KMT2C: variants seen among roughly 807,000 people sequenced by gnomAD.
KMT2C encodes the protein lysine methyltransferase 2C, also known as histone-lysine N-methyltransferase 2C.
A neutral mutation model predicts 507.9 loss-of-function variants in KMT2C; 88 were observed. The ratio of observed to expected loss-of-function variants is 0.17; its 90% CI spans 0.15 to 0.21. The LOEUF (loss-of-function observed/expected upper bound fraction) is 0.21, where lower values mean the gene tolerates loss of function less well. Ranked by LOEUF, KMT2C falls within the 10% of genes least tolerant of loss-of-function variation. KMT2C has a pLI of 1.00. For missense variants in KMT2C, 4,954 were observed against 5,957.8 expected (o/e 0.83, Z 5.55); for synonymous variants, 2,049 against 2,080.8 (o/e 0.98, Z 0.42).
intron 26 of KMT2C, among the ~76,000 whole-genome samples, chr7:152,201,293 G>GACACACACACACAC (rs3839689): frequency 2.9e-5 from 4 of 136,950 alleles, no homozygotes; most frequent in African/African-American, 1.1e-4. Flanking sequence ...TACAGACACA[G>GACACACACACACAC]ACACACACAC....
At chr7:152,217,608 A>G (rs2094617688) in intron 23 of KMT2C, among the ~76,000 whole-genome samples, 1 of 152,194 alleles carries the variant, frequency 6.6e-6, no homozygotes, top group Non-Finnish European at 1.5e-5. Flanking sequence ...TTTCATATTC[A>G]ATAAAAATAA....
At chr7:152,307,333 AGAGGGAGG>A (rs570606244) in intron 6 of KMT2C, among the ~76,000 whole-genome samples, 5 of 107,998 alleles carry the variant, frequency 4.6e-5, no homozygotes, top group African/African-American at 7.3e-5. Flanking sequence ...GAGGAAGGAA[AGAGGGAGG>A]GAGGGAGGGA....
chr7:152,319,863 G>C (rs2096756254), intron 3 of KMT2C, among the ~76,000 whole-genome samples: 1 of 152,126 alleles, frequency 6.6e-6, no homozygotes, highest in Non-Finnish European at 1.5e-5. Context: ...CTGCCAGGCA[G>C]GGAAGGGCTC....
chr7:152,147,087 T>A (rs1289394045), intron 52 of KMT2C, among the ~76,000 whole-genome samples: 1 of 152,224 alleles, frequency 6.6e-6, no homozygotes, highest in Admixed American at 6.5e-5. Flanking sequence ...GCTATGTTCC[T>A]TTCCCCTCAG....
intron 1 of KMT2C, chr7:152,366,991 G>A (rs1172958090): frequency 1.1e-5 from 6 of 561,022 alleles, no homozygotes; most frequent in African/African-American, 3.9e-5. Context: ...TTGCAGCCCC[G>A]GCCGCACCCT....
chr7:152,277,036 T>C, intron 6 of KMT2C, among the ~76,000 whole-genome samples: 1 of 152,152 alleles, frequency 6.6e-6, no homozygotes, highest in Admixed American at 6.5e-5. Flanking sequence ...TAGTTTGAAA[T>C]AATCTGTCAA....
chr7:152,268,072 G>A (rs2129175035), intron 7 of KMT2C, among the ~76,000 whole-genome samples: 1 of 152,264 alleles, frequency 6.6e-6, no homozygotes, highest in East Asian at 1.9e-4. Flanking sequence ...TTGAGGTCAG[G>A]AGCTCGAGAC....
rs1039720115 is a variant in KMT2C, at chr7:152,146,773, G to A, written c.13895-38C>T. 4.4e-6 allele frequency: 7 copies of A among 1,583,488 alleles called. No individual in the cohort carries two copies. The African/African-American group carries it at 9.5e-5, about 21-fold the overall frequency. On this transcript the variant is annotated intron_variant, in intron 52 of 58. Coordinates refer to ENST00000262189, the MANE Select transcript of KMT2C (RefSeq NM_170606.3). The stretch of plus-strand genomic sequence containing the variant: ...AAAAACATAATTTTTATAGGAAATA[G>A]GATACAGTATAAAAAACAAGAGCAA...
chr7:152,297,044 A>AGAAG, intron 6 of KMT2C, among the ~76,000 whole-genome samples: 1 of 100,646 alleles, frequency 9.9e-6, no homozygotes, highest in South Asian at 3.5e-4. Context: ...AAAGAAAGAA[A>AGAAG]GAAAGAAAGA....
At chr7:152,225,541 T>C (rs535667073) in intron 18 of KMT2C, among the ~76,000 whole-genome samples, 24 of 152,262 alleles carry the variant, frequency 1.6e-4, no homozygotes, top group East Asian at 7.7e-4. Context: ...ACAGAACACG[T>C]TGTAGACACA....
chr7:152,153,921 G>A, intron 48 of KMT2C, 89 bp downstream of exon 48: 12 of 1,289,780 alleles, frequency 9.3e-6, no homozygotes, highest in South Asian at 5.2e-5. Context: ...CAGTGATCCT[G>A]TTTGTGTGTG....
chr7:152,253,710 C>T (rs1010143922), intron 9 of KMT2C, among the ~76,000 whole-genome samples: 7 of 151,626 alleles, frequency 4.6e-5, no homozygotes, highest in African/African-American at 1.2e-4. Context: ...ACACAGAGCA[C>T]GGTCAACGCC....
rs1292147299 is a variant in KMT2C at position 152,162,427 on chromosome 7, T to C, written c.11150A>G (p.Glu3717Gly). ...LSMETPAKTE[E>G]IKLEKAETES... ...TGTCTCAGCCTTTTCCAGTTTTATC[T>C]CTTCTGTTTTGGCAGGGGTTTCCAT... Residue 3717 changes from glutamate (E) to glycine (G), a missense_variant, in exon 43 of 59, where the codon GAG (glutamate) becomes GGG (glycine). By Grantham distance (98) the Glu-to-Gly change is moderately conservative. Coordinates refer to ENST00000262189, the MANE Select transcript of KMT2C (RefSeq NM_170606.3). 6 of 1,614,260 alleles carry C rather than the reference T, an allele frequency of 3.7e-6. No individual in the cohort carries two copies. In the East Asian group the frequency reaches 1.3e-4, roughly 36 times the overall value.
intron 31 of KMT2C, among the ~76,000 whole-genome samples, chr7:152,189,058 T>C (rs1304844148): frequency 6.6e-6 from 1 of 152,208 alleles, no homozygotes; most frequent in Non-Finnish European, 1.5e-5. Context: ...CCCAAACACA[T>C]TTGAATTCTC....
chr7:152,158,882 G>C lies in KMT2C; in HGVS notation c.11651C>G (p.Thr3884Arg), dbSNP rs140246095. Residue 3884 changes from threonine to arginine, a missense_variant, in exon 44 of 59, where the codon ACG (threonine) becomes AGG (arginine). Coordinates refer to ENST00000262189, the MANE Select transcript of KMT2C (RefSeq NM_170606.3). ...EKQAMYSSTD[T>R]FTHLKQQNNL... ...CCTCACCTGTTTCAAGTGGGTAAACGTGTCAGTGCTAGAGTACATAGCTTG... is the reference window on the plus strand; with the variant it reads ...CCTCACCTGTTTCAAGTGGGTAAACCTGTCAGTGCTAGAGTACATAGCTTG... 6.2e-7 allele frequency: 1 copy of C among 1,613,942 alleles called. No individual in the cohort carries two copies. Among genetic ancestry groups the C allele is most frequent in the South Asian group, 1.1e-5 (1 of 91,088 alleles).
chr7:152,235,044 C>T (rs1329669458), intron 16 of KMT2C, among the ~76,000 whole-genome samples: 2 of 152,100 alleles, frequency 1.3e-5, no homozygotes, highest in African/African-American at 2.4e-5. Flanking sequence ...AAAAAGTGTA[C>T]AGTTCTGTAT....
intron 4 of KMT2C, 47 bp from the exon 5 acceptor site, chr7:152,311,993 T>C (rs2096676136): frequency 6.8e-7 from 1 of 1,474,280 alleles, no homozygotes; most frequent in Admixed American, 1.8e-5. Flanking sequence ...AAGCAGAAAA[T>C]TGTTTCATTT....
intron 1 of KMT2C, among the ~76,000 whole-genome samples, chr7:152,376,544 G>A (rs985641042): frequency 4.6e-5 from 7 of 152,182 alleles, no homozygotes; most frequent in Non-Finnish European, 2.9e-5. Flanking sequence ...TGGTCCATAT[G>A]GAAGATTAAA....
At chr7:152,159,474 C>T (rs1022478905) in intron 43 of KMT2C, among the ~76,000 whole-genome samples, 2 of 152,114 alleles carry the variant, frequency 1.3e-5, no homozygotes, top group Non-Finnish European at 2.9e-5. Context: ...TTTTTGGTTC[C>T]CCTTAGGAAC....
Sources: gnomAD v4.1 joint callset for allele counts (sites outside exome capture counted in the v4.1 genomes callset) on GRCh38, gnomAD v4.1.1 for gene constraint, MANE v1.5 for transcripts, NCBI Gene and HGNC (gene_info 2026-07-23, HGNC 2026-07-21) for gene names.